ZNF440: variants seen among roughly 807,000 people sequenced by gnomAD.
ZNF440 encodes zinc finger protein 440.
Under a neutral mutation model 49.7 loss-of-function variants are expected in ZNF440, and 47 were observed. That is an observed-to-expected ratio of 0.95 (90% CI 0.75 to 1.21). The LOEUF is 1.21. Ranked by LOEUF, ZNF440 falls within the 50% of genes most tolerant of loss-of-function variation. ZNF440 has a pLI of 0.00. For missense variants in ZNF440, 703 were observed against 715.0 expected (o/e 0.98, Z 0.19); for synonymous variants, 255 against 237.7 (o/e 1.07, Z -0.67).
chr19:11,828,871 A>G (rs548998672), intron 1 of ZNF440, among the ~76,000 whole-genome samples: 1 of 151,900 alleles, frequency 6.6e-6, no homozygotes, highest in Non-Finnish European at 1.5e-5. Context: ...TTTAGTAGAA[A>G]TGGGGTTTCT....
In ZNF440 at chr19:11,832,600, G is replaced by C. The variant is rs371706353; in HGVS notation, c.1424G>C (p.Arg475Thr). ...KGFYCPKSFQRHEKTHTGEKL... is the reference protein window; with the variant it reads ...KGFYCPKSFQTHEKTHTGEKL... ...TTTTATTGTCCCAAATCATTTCAAA[G>C]ACATGAAAAAACTCACACTGGAGAG... Residue 475 changes from arginine to threonine, a missense_variant, in exon 4 of 4, where the codon AGA (arginine) becomes ACA (threonine). Coordinates refer to ENST00000304060, the MANE Select transcript of ZNF440 (RefSeq NM_152357.3). 3 of 1,612,064 alleles carry C rather than the reference G, an allele frequency of 1.9e-6. No homozygotes were observed. The highest frequency in any genetic ancestry group is 1.1e-5 in the South Asian group (1 of 90,860).
intron 1 of ZNF440, among the ~76,000 whole-genome samples, chr19:11,826,101 G>A (rs587477): frequency 0.38 from 57,674 of 152,058 alleles, 11,348 homozygotes; most frequent in African/African-American, 0.46. Flanking sequence ...GTGAGCCACC[G>A]CACGCGGCCA....
chr19:11,824,242 T>C (rs1975835588), intron 1 of ZNF440, among the ~76,000 whole-genome samples: 1 of 146,462 alleles, frequency 6.8e-6, no homozygotes, highest in Non-Finnish European at 1.5e-5. Context: ...TTCAATAGGA[T>C]ATGCTGTCTT....
Position 11,832,348 on chromosome 19 carries a change from C to G in ZNF440, c.1172C>G (p.Thr391Ser). Residue 391 changes from threonine (T) to serine (S), a missense_variant, in exon 4 of 4, where the codon ACT becomes AGT. Transcript: ENST00000304060. The part of the protein sequence containing the change: ...SSLRYHERTH[T>S]GEKPYECKQC... ...CTTCGATATCATGAAAGGACTCACA[C>G]TGGAGAGAAACCCTATGAGTGTAAG... is the stretch of plus-strand genomic sequence containing the variant. The G allele has an allele frequency of 1.2e-6, 2 of 1,614,188 alleles. No homozygotes were observed. The highest frequency in any genetic ancestry group is 4.5e-5 in the East Asian group (2 of 44,878).
At chr19:11,824,646 G>A (rs557497305) in intron 1 of ZNF440, among the ~76,000 whole-genome samples, 4 of 151,350 alleles carry the variant, frequency 2.6e-5, no homozygotes, top group Non-Finnish European at 5.9e-5. Context: ...CAAAACATTG[G>A]GCAGATAATC....
At chr19:11,821,628 G>T (rs1321426347) in intron 1 of ZNF440, among the ~76,000 whole-genome samples, 1 of 152,124 alleles carries the variant, frequency 6.6e-6, no homozygotes. Context: ...GTCATTGAGC[G>T]CTTCGGTGAG....
rs563601981 is a variant in ZNF440 at position 11,830,058 on chromosome 19, C to T, written c.4-225C>T. Reference sequence around the variant, plus strand: ...AAGTGCTAGAACCCCGGCAGTGAGCCGAGATCATGCCATTGCACTGCAGCC... The same window carrying T: ...AAGTGCTAGAACCCCGGCAGTGAGCTGAGATCATGCCATTGCACTGCAGCC... On this transcript the variant is annotated intron_variant, in intron 1 of 3. Transcript: ENST00000304060. The T allele has an allele frequency of 3.2e-5, 27 of 849,416 alleles. No homozygotes were observed. In the East Asian group the frequency reaches 3.4e-4, roughly 11 times the overall value. The allele number at this position is 849,416 out of a possible 1,614,324, so 52.6% of individuals were successfully genotyped here. A position where few individuals can be genotyped will look rare whatever the true frequency, so the allele number is the denominator to read the frequency against.
chr19:11,814,494 T>A, intron 1 of ZNF440, 44 bp downstream of exon 1: 1 of 1,480,936 alleles, frequency 6.8e-7, no homozygotes, highest in Non-Finnish European at 9.0e-7. Flanking sequence ...GGAGAGGGGC[T>A]GGAATCGGCC....
chr19:11,822,865 G>A (rs1254958289), intron 1 of ZNF440, among the ~76,000 whole-genome samples: 1 of 99,310 alleles, frequency 1.0e-5, no homozygotes, highest in Non-Finnish European at 2.2e-5. Context: ...AAAAAAAGAT[G>A]CCCTGGTTTC....
intron 1 of ZNF440, among the ~76,000 whole-genome samples, chr19:11,814,976 TAA>T (rs1177982074): frequency 1.3e-5 from 2 of 151,882 alleles, no homozygotes; most frequent in Non-Finnish European, 2.9e-5. Flanking sequence ...GGCTAAGGTT[TAA>T]AATTAAATAG....
At chr19:11,820,820 C>G (rs555601909) in intron 1 of ZNF440, among the ~76,000 whole-genome samples, 2 of 152,124 alleles carry the variant, frequency 1.3e-5, no homozygotes, top group Admixed American at 6.6e-5. Flanking sequence ...AGAAATGATT[C>G]CTATCTTCTG....
rs139793467 is a variant in ZNF440 at position 11,814,787 on chromosome 19, G to C, written c.3+337G>C. Among the ~76,000 whole-genome samples the C allele has an allele frequency of 2.1e-3, 317 of 152,314 alleles. 1 individual carries two copies. Among genetic ancestry groups the C allele is most frequent in the African/African-American group, 7.5e-3 (312 of 41,582 alleles). On this transcript the variant is annotated intron_variant, in intron 1 of 3. Coordinates refer to ENST00000304060, the MANE Select transcript of ZNF440 (RefSeq NM_152357.3). ...GTGCCGCAAAGAAAACCAGCATCTA[G>C]GCAGAAAATTCCTCAGCAAAGCAAA...
At position 11,826,984 on chromosome 19, in the gene ZNF440, A is replaced by T. The variant is rs930630060; in HGVS notation, c.4-3299A>T. On this transcript the variant is annotated intron_variant, in intron 1 of 3. Transcript: ENST00000304060. ...GGGCTGTTTTCATTTGCTCTTTAAT[A>T]ACATGTAATGTAGAGCATCCTGTCA... 4.0e-5 allele frequency among the ~76,000 whole-genome samples: 6 copies of T among 151,830 alleles called. No homozygotes were observed. In the South Asian group the frequency reaches 1.2e-3, roughly 32 times the overall value.
At chr19:11,819,025 A>G (rs1043625061) in intron 1 of ZNF440, among the ~76,000 whole-genome samples, 2 of 152,120 alleles carry the variant, frequency 1.3e-5, no homozygotes, top group Non-Finnish European at 2.9e-5. Context: ...TAGTGAAGAG[A>G]GGCCCTGTGG....
intron 1 of ZNF440, chr19:11,817,501 T>G (rs1017157972): frequency 6.6e-6 from 1 of 151,864 alleles, no homozygotes; most frequent in Non-Finnish European, 1.5e-5. Context: ...GGAGGCTGGA[T>G]GGGACAATCA....
intron 1 of ZNF440, among the ~76,000 whole-genome samples, chr19:11,828,845 C>T (rs1002293125): frequency 1.3e-5 from 2 of 151,968 alleles, no homozygotes; most frequent in Admixed American, 6.6e-5. Flanking sequence ...CCATTACACC[C>T]GGATAATTTT....
At chr19:11,821,462 A>G (rs1360309369) in intron 1 of ZNF440, among the ~76,000 whole-genome samples, 1 of 152,162 alleles carries the variant, frequency 6.6e-6, no homozygotes, top group Non-Finnish European at 1.5e-5. Flanking sequence ...TTGAGAGAAA[A>G]GAGAAATGCT....
chr19:11,828,335 T>TG (rs1975892079), intron 1 of ZNF440, among the ~76,000 whole-genome samples: 3 of 151,662 alleles, frequency 2.0e-5, no homozygotes, highest in Admixed American at 1.3e-4. Flanking sequence ...GGACTACATG[T>TG]GCCACCACGC....
intron 1 of ZNF440, among the ~76,000 whole-genome samples, chr19:11,815,323 CACAA>C (rs1397984254): frequency 1.3e-5 from 2 of 150,844 alleles, no homozygotes; most frequent in African/African-American, 2.5e-5. Flanking sequence ...CACACACACA[CACAA>C]ATTAAATAGG....
Sources: allele counts gnomAD v4.1 joint callset (sites outside exome capture counted in the v4.1 genomes callset), GRCh38; gene constraint gnomAD v4.1.1; transcripts MANE v1.5; gene names NCBI Gene and HGNC (gene_info 2026-07-23, HGNC 2026-07-21).